MYBBP1A: variants seen among roughly 807,000 people sequenced by gnomAD.
MYBBP1A encodes myb-binding protein 1A.
MYBBP1A carries 147 observed loss-of-function variants against 136.3 expected under a neutral mutation model. The ratio of observed to expected loss-of-function variants is 1.08; its 90% CI spans 0.94 to 1.24. The LOEUF (loss-of-function observed/expected upper bound fraction) is 1.24, where lower values mean the gene tolerates loss of function less well. MYBBP1A is among the 50% of genes most tolerant of loss of function. The pLI, the probability that MYBBP1A is intolerant of heterozygous loss-of-function variation, is 0.00. For synonymous variants in MYBBP1A, 947 were observed against 735.8 expected, an observed-to-expected ratio of 1.29 and a Z score of -4.65; for missense variants, 2,060 against 1,727.4, an observed-to-expected ratio of 1.19 and a Z score of -3.41.
At chr17:4,543,647 G>T (rs1234535321) in intron 19 of MYBBP1A, among the ~76,000 whole-genome samples, 1 of 152,148 alleles carries the variant, frequency 6.6e-6, no homozygotes, top group Non-Finnish European at 1.5e-5. Context: ...GCCTGGGTTT[G>T]TGAAGAATGC....
chr17:4,540,095 G>C (rs1292630305), intron 25 of MYBBP1A, 128 bp from the exon 26 acceptor site: 1 of 1,239,454 alleles, frequency 8.1e-7, no homozygotes, highest in Non-Finnish European at 1.1e-6. Flanking sequence ...CCCCTATGAG[G>C]GTCCCGTGAG....
rs758094390 is a variant in MYBBP1A at position 4,548,255 on chromosome 17, C to A, written c.1612G>T (p.Gly538Trp). ...ACCAGGTGGTAGGTCCAGGGCTGCC[C>A]ACCCTGGGTCTGGCCCGGTGCCTGC... is the stretch of plus-strand genomic sequence containing the variant. ...FKQAPGQTQGGQPWTYHLVQF... is the reference protein window; with the variant it reads ...FKQAPGQTQGWQPWTYHLVQF... Residue 538 changes from glycine (G) to tryptophan (W), a missense_variant, in exon 12 of 26, where the codon GGG (glycine) becomes TGG (tryptophan). Coordinates refer to ENST00000254718, the MANE Select transcript of MYBBP1A (RefSeq NM_014520.4). This position sits in a 1 kb window ranked among gnomAD's most constrained non-coding sequence, Gnocchi z 4.2. 1.2e-6 allele frequency: 2 copies of A among 1,612,274 alleles called. No individual in the cohort carries two copies. Among genetic ancestry groups the A allele is most frequent in the East Asian group, 4.5e-5 (2 of 44,884 alleles).
rs113935841 is a variant in MYBBP1A at position 4,549,213 on chromosome 17, C to T, written c.1430+119G>A. 9.1e-3 allele frequency: 7,266 copies of T among 799,666 alleles called. 47 individuals are homozygous for T. The highest frequency in any genetic ancestry group is 0.013 in the South Asian group (759 of 58,080). 49.5% of individuals were successfully genotyped at this position (799,666 alleles called of 1,614,324 possible). A position where few individuals can be genotyped will look rare whatever the true frequency, so the allele number is the denominator to read the frequency against. On this transcript the variant is annotated intron_variant, in intron 10 of 25. Transcript: ENST00000254718. ...TCCCAAGTCCCCTTGTGCCTGCCCCCCACTGATGACTCAACCCAAAGGCTT... is the reference window on the plus strand; with the variant it reads ...TCCCAAGTCCCCTTGTGCCTGCCCCTCACTGATGACTCAACCCAAAGGCTT...
intron 9 of MYBBP1A, 100 bp from the exon 10 acceptor site, chr17:4,549,542 C>A: frequency 1.0e-6 from 1 of 995,494 alleles, no homozygotes; most frequent in Non-Finnish European, 1.5e-6. Context: ...TTTGGGAGGC[C>A]AAGGCTGGCC....
rs749863163 is a variant in MYBBP1A, at chr17:4,545,688, G to A, written c.1995C>T (p.Leu665=). The A allele has an allele frequency of 3.7e-6, 6 of 1,611,480 alleles. No homozygotes were observed. In the East Asian group the frequency reaches 6.7e-5, roughly 18 times the overall value. Residue 665 remains leucine, a synonymous_variant, in exon 15 of 26, where the codon CTC becomes CTT. Coordinates refer to ENST00000254718, the MANE Select transcript of MYBBP1A (RefSeq NM_014520.4). The part of the protein sequence containing the change: ...LLALLAQPSH[L]MRQVARSVFG... Reference sequence around the variant, plus strand: ...ACACGCTCCGGGCCACCTGGCGCATGAGGTGGCTGGGCTGGGCCAACAGGG... The same window carrying A: ...ACACGCTCCGGGCCACCTGGCGCATAAGGTGGCTGGGCTGGGCCAACAGGG...
At position 4,541,509 on chromosome 17, in the gene MYBBP1A, G is replaced by A. The variant is rs1235025357; in HGVS notation, c.3251C>T (p.Ser1084Phe). ...GAGAACGTTGAGCAGCTCCAGGGAGGACAGTGCCTGCTGATGCTGCGCCTT... is the reference window on the plus strand; with the variant it reads ...GAGAACGTTGAGCAGCTCCAGGGAGAACAGTGCCTGCTGATGCTGCGCCTT... Reference protein sequence around the residue: ...QTKAQHQQALSSLELLNVLFR... With the variant: ...QTKAQHQQALFSLELLNVLFR... The change falls in exon 24 of 26, where the codon TCC (serine) becomes TTC (phenylalanine). Residue 1084 changes from serine (S) to phenylalanine (F), a missense_variant. Physicochemically the swap from Ser to Phe is radical, Grantham distance 155. Transcript: ENST00000254718. 3.1e-6 allele frequency: 5 copies of A among 1,613,404 alleles called. No homozygotes were observed. The highest frequency in any genetic ancestry group is 4.2e-6 in the Non-Finnish European group (5 of 1,180,044).
At chr17:4,547,635 G>C in intron 13 of MYBBP1A, 1 of 290,928 alleles carries the variant, frequency 3.4e-6, no homozygotes, top group Admixed American at 4.7e-5. Context: ...TTGCCAGAAG[G>C]TGTTCCCACA....
Position 4,555,179 on chromosome 17 carries a change from G to A in MYBBP1A, c.146C>T (p.Thr49Met). The A allele has an allele frequency of 1.9e-6, 3 of 1,606,474 alleles. No homozygotes were observed. Among genetic ancestry groups the A allele is most frequent in the Non-Finnish European group, 2.5e-6 (3 of 1,176,752 alleles). The change falls in exon 1 of 26, where the codon ACG becomes ATG. Residue 49 changes from threonine to methionine, a missense_variant. Coordinates refer to ENST00000254718, the MANE Select transcript of MYBBP1A (RefSeq NM_014520.4). ...FWDIAKPEQE[T>M]RLAATEKLLE... ...CAGCTTCTCCGTGGCCGCAAGTCGC[G>A]TCTCCTGCTCAGGCTTCGCAATGTC...
chr17:4,545,004 C>T (rs1906857260), intron 17 of MYBBP1A, 22 bp downstream of exon 17: 2 of 1,467,918 alleles, frequency 1.4e-6, no homozygotes, highest in Non-Finnish European at 1.8e-6. Context: ...CGGCCGCCCC[C>T]CCCTCCACCT....
chr17:4,546,231 G>A (rs1597383735), intron 13 of MYBBP1A, among the ~76,000 whole-genome samples: 1 of 152,316 alleles, frequency 6.6e-6, no homozygotes, highest in Non-Finnish European at 1.5e-5. Flanking sequence ...CCATTCTCCT[G>A]CCTCAGCCTC....
Position 4,553,828 on chromosome 17 carries a change from C to T in MYBBP1A, c.543G>A (p.Leu181=). 6.2e-7 allele frequency: 1 copy of T among 1,614,042 alleles called. No homozygotes were observed. Among genetic ancestry groups the T allele is most frequent in the Non-Finnish European group, 8.5e-7 (1 of 1,180,018 alleles). ...NHLQEQPRKA[L]VDILSEVSKA... ...CTCATACCTCGGAGAGGATGTCCAC[C>T]AGGGCCTTCCGGGGCTGCTCCTGCA... Residue 181 remains leucine, a synonymous_variant, in exon 5 of 26, where the codon CTG becomes CTA. Transcript: ENST00000254718.
At chr17:4,541,391 A>G in intron 24 of MYBBP1A, 72 bp downstream of exon 24, 1 of 1,328,982 alleles carries the variant, frequency 7.5e-7, no homozygotes, top group Non-Finnish European at 1.1e-6. Context: ...CGGGCATGGC[A>G]CTGCTGGCCG....
chr17:4,541,584 C>A lies in MYBBP1A; in HGVS notation c.3196-20G>T, dbSNP rs1477658642. On this transcript the variant is annotated intron_variant, in intron 23 of 25. Coordinates refer to ENST00000254718, the MANE Select transcript of MYBBP1A (RefSeq NM_014520.4). Reference sequence around the variant, plus strand: ...CAAGTTCTAGGGAAGGGTGGCCAGGCTGAGGCACTCCGGAGAGCTGCTCAA... The same window carrying A: ...CAAGTTCTAGGGAAGGGTGGCCAGGATGAGGCACTCCGGAGAGCTGCTCAA... 1.2e-6 allele frequency: 2 copies of A among 1,607,292 alleles called. No homozygotes were observed. The highest frequency in any genetic ancestry group is 2.2e-5 in the South Asian group (2 of 91,020).
In MYBBP1A at chr17:4,541,475, G is replaced by A; in HGVS notation, c.3285C>T (p.Thr1095=). 1.2e-6 allele frequency: 2 copies of A among 1,613,362 alleles called. No homozygotes were observed. The highest frequency in any genetic ancestry group is 1.7e-6 in the Non-Finnish European group (2 of 1,179,958). ...SLELLNVLFR[T]CKHEKLTLDL... ...GCCCCCGCCTCACCTCATGTTTGCA[G>A]GTCCTGAAGAGAACGTTGAGCAGCT... Residue 1095 remains threonine (T), a synonymous_variant, in exon 24 of 26, where the codon ACC becomes ACT. Coordinates refer to ENST00000254718, the MANE Select transcript of MYBBP1A (RefSeq NM_014520.4).
At chr17:4,549,566 C>A in intron 9 of MYBBP1A, 124 bp from the exon 10 acceptor site, 1 of 770,830 alleles carries the variant, frequency 1.3e-6, no homozygotes, top group South Asian at 1.6e-5. Context: ...CACTCGAGGT[C>A]AGGAGTTCGA....
rs200698912 is a variant in MYBBP1A at position 4,540,302 on chromosome 17, G to T, written c.3434+46C>A. 1,359 of 1,557,868 alleles carry T rather than the reference G, an allele frequency of 8.7e-4. 1 individual carries two copies. Among genetic ancestry groups the T allele is most frequent in the Non-Finnish European group, 1.1e-3 (1,275 of 1,155,704 alleles). ...TGTGTGTGTGCAGCAGCGTGAGGGT[G>T]TTCCCAGCCCCTACCCAAGGTGTGT... On this transcript the variant is annotated intron_variant, in intron 25 of 25. Transcript: ENST00000254718.
In MYBBP1A at chr17:4,542,890, C is replaced by T. The variant is rs750521694; in HGVS notation, c.2892+23G>A. 30 of 1,612,664 alleles carry T rather than the reference C, an allele frequency of 1.9e-5. No individual in the cohort carries two copies. In the East Asian group the frequency reaches 3.8e-4, roughly 20 times the overall value. On this transcript the variant is annotated intron_variant, in intron 20 of 25. Coordinates refer to ENST00000254718, the MANE Select transcript of MYBBP1A (RefSeq NM_014520.4). ...CCTGGCTGTGAAATGCCTGGGGCTG[C>T]TCCTGGGCCAGGCCCTGCTCACCTG...
chr17:4,539,131 T>G lies in MYBBP1A; in HGVS notation c.*284A>C, dbSNP rs1385951093. The G allele has an allele frequency of 1.3e-6, 2 of 1,495,672 alleles. No individual in the cohort carries two copies. The highest frequency in any genetic ancestry group is 4.8e-5 in the Admixed American group (2 of 41,966). The allele number at this position is 1,495,672 out of a possible 1,614,324, so 92.7% of individuals were successfully genotyped here. A position where few individuals can be genotyped will look rare whatever the true frequency, so the allele number is the denominator to read the frequency against. ...CCTGCCTGCAGCCAGCACATCAACC[T>G]GCACCAACCCAGGCAAACACCAGAG... On this transcript the variant is annotated 3_prime_UTR_variant, in exon 26 of 26. Transcript: ENST00000254718.
At chr17:4,543,441 C>T (rs1409031014) in intron 19 of MYBBP1A, 3 of 519,190 alleles carry the variant, frequency 5.8e-6, no homozygotes, top group African/African-American at 3.8e-5. Context: ...CTGGGGCACC[C>T]CTCCTGTCTA....
Sources: gnomAD v4.1 joint callset for allele counts (sites outside exome capture counted in the v4.1 genomes callset) on GRCh38, gnomAD v4.1.1 for gene constraint, Gnocchi (gnomAD v3.1) non-coding constraint, MANE v1.5 for transcripts, NCBI Gene and HGNC (gene_info 2026-07-23, HGNC 2026-07-21) for gene names.